DLG2: variants seen among roughly 807,000 people sequenced by gnomAD.
DLG2 encodes the protein disks large homolog 2.
In DLG2, 45 loss-of-function variants were observed where a neutral mutation model predicts 132.5. The ratio of observed to expected loss-of-function variants is 0.34; its 90% CI spans 0.27 to 0.44. The LOEUF is 0.44. Ranked by LOEUF, DLG2 falls within the 20% of genes least tolerant of loss-of-function variation. The probability of loss-of-function intolerance (pLI) is 1.00; values close to 1 mark genes in which losing one functional copy is unlikely to be tolerated. For synonymous variants in DLG2, 424 were observed against 419.6 expected (o/e 1.01, Z -0.13); for missense variants, 1,045 against 1,196.9 (o/e 0.87, Z 1.87).
chr11:85,259,798 A>AT (rs1400222990), intron 4 of DLG2, among the ~76,000 whole-genome samples: 4 of 151,684 alleles, frequency 2.6e-5, no homozygotes, highest in Non-Finnish European at 4.4e-5. Flanking sequence ...CCACCTCACT[A>AT]TTTTTTTCAG....
At chr11:85,521,717 T>C (rs937813523) in intron 3 of DLG2, among the ~76,000 whole-genome samples, 1 of 152,188 alleles carries the variant, frequency 6.6e-6, no homozygotes, top group Admixed American at 6.5e-5. Flanking sequence ...TGAGGTGGAC[T>C]CAGATGAAGA....
chr11:83,758,708 T>C (rs899324075), intron 18 of DLG2, among the ~76,000 whole-genome samples: 7 of 152,170 alleles, frequency 4.6e-5, no homozygotes, highest in African/African-American at 1.7e-4. Flanking sequence ...GCTTGACATA[T>C]AGTAAGGAGT....
chr11:83,778,067 A>C (rs2094659254), intron 18 of DLG2, among the ~76,000 whole-genome samples: 1 of 152,176 alleles, frequency 6.6e-6, no homozygotes, highest in South Asian at 2.1e-4. Flanking sequence ...ACAAATAGCT[A>C]TTCAAAGAGA....
intron 3 of DLG2, among the ~76,000 whole-genome samples, chr11:85,290,367 G>T (rs2078818711): frequency 6.6e-6 from 1 of 151,958 alleles, no homozygotes; most frequent in Non-Finnish European, 1.5e-5. Flanking sequence ...GGGGACATGG[G>T]GCCTGAATTT....
intron 3 of DLG2, among the ~76,000 whole-genome samples, chr11:85,388,454 C>T (rs1312868546): frequency 6.6e-6 from 1 of 152,112 alleles, no homozygotes; most frequent in Non-Finnish European, 1.5e-5. Flanking sequence ...TATCCAAAGG[C>T]TACCCTAGGA....
At chr11:85,532,846 C>T (rs1218933184) in intron 3 of DLG2, among the ~76,000 whole-genome samples, 1 of 152,076 alleles carries the variant, frequency 6.6e-6, no homozygotes, top group Admixed American at 6.5e-5. Context: ...GAAATCAAAG[C>T]TATTTTTTTT....
intron 21 of DLG2, among the ~76,000 whole-genome samples, chr11:83,510,830 GTTT>G (rs566973328): frequency 1.1e-5 from 1 of 88,776 alleles, no homozygotes; most frequent in African/African-American, 4.5e-5. Flanking sequence ...TGAACCATCC[GTTT>G]TTTTTTTTTT....
chr11:83,830,218 A>G (rs2054087143), intron 17 of DLG2, among the ~76,000 whole-genome samples: 1 of 152,226 alleles, frequency 6.6e-6, no homozygotes, highest in Non-Finnish European at 1.5e-5. Context: ...GATTGTTGTT[A>G]TATTCTGTGA....
chr11:84,552,558 A>G (rs1398612571), intron 6 of DLG2, among the ~76,000 whole-genome samples: 2 of 152,194 alleles, frequency 1.3e-5, no homozygotes, highest in Non-Finnish European at 2.9e-5. Flanking sequence ...GACTGCGGTC[A>G]GAACTCATAG....
At chr11:85,568,447 A>G (rs1301840273) in intron 3 of DLG2, among the ~76,000 whole-genome samples, 3 of 152,186 alleles carry the variant, frequency 2.0e-5, no homozygotes, top group Admixed American at 6.5e-5. Flanking sequence ...AATTAATTAG[A>G]CAGTATTCTC....
At chr11:84,561,934 T>C (rs1439108296) in intron 6 of DLG2, among the ~76,000 whole-genome samples, 1 of 152,158 alleles carries the variant, frequency 6.6e-6, no homozygotes, top group Non-Finnish European at 1.5e-5. Flanking sequence ...TTCACCTAGA[T>C]AATTTAGCCT....
intron 7 of DLG2, among the ~76,000 whole-genome samples, chr11:84,533,409 G>T (rs1314651216): frequency 1.3e-5 from 2 of 152,124 alleles, no homozygotes; most frequent in Non-Finnish European, 2.9e-5. Context: ...GCGGAGATTT[G>T]CACAATGAAT....
chr11:85,338,245 ATAG>A (rs2082259451), intron 3 of DLG2, among the ~76,000 whole-genome samples: 1 of 152,210 alleles, frequency 6.6e-6, no homozygotes, highest in East Asian at 1.9e-4. Flanking sequence ...AAGACAATAA[ATAG>A]TAGCAACCAA....
intron 6 of DLG2, among the ~76,000 whole-genome samples, chr11:84,581,696 C>T (rs888149054): frequency 2.0e-5 from 3 of 151,828 alleles, no homozygotes; most frequent in African/African-American, 7.3e-5. Context: ...ATCACAAGAT[C>T]AAGAGATCAA....
At chr11:85,569,143 T>C (rs1006050765) in intron 3 of DLG2, among the ~76,000 whole-genome samples, 1 of 152,192 alleles carries the variant, frequency 6.6e-6, no homozygotes, top group East Asian at 1.9e-4. Context: ...GCAATTCTCC[T>C]TCCTCAGCCT....
chr11:85,168,738 AT>A (rs1297527702), intron 4 of DLG2, among the ~76,000 whole-genome samples: 1 of 152,162 alleles, frequency 6.6e-6, no homozygotes, highest in Non-Finnish European at 1.5e-5. Flanking sequence ...AGGACAAAAA[AT>A]ATCATGTACC....
At position 84,502,412 on chromosome 11, in the gene DLG2, T is replaced by TTCTTTCTC. The variant is rs1567807647; in HGVS notation, c.519+32157_519+32158insGAGAAAGA. Among the ~76,000 whole-genome samples the TTCTTTCTC allele has an allele frequency of 2.6e-4, 30 of 115,610 alleles. 2 individuals carry two copies. Among genetic ancestry groups the TTCTTTCTC allele is most frequent in the East Asian group, 1.6e-3 (7 of 4,366 alleles). The allele number at this position is 115,610 out of a possible 152,430, so 75.8% of individuals were successfully genotyped here. On this transcript the variant is annotated intron_variant, in intron 7 of 27. Coordinates refer to ENST00000376104, the MANE Select transcript of DLG2 (RefSeq NM_001142699.3). The stretch of plus-strand genomic sequence containing the variant: ...TTTCTTTCTTTCTTTCTTTCTTTCT[T>TTCTTTCTC]TCTATACAGAGTCTCATGCTGTCAC...
intron 6 of DLG2, among the ~76,000 whole-genome samples, chr11:84,809,394 C>G (rs1322815779): frequency 6.6e-6 from 1 of 151,404 alleles, no homozygotes; most frequent in Non-Finnish European, 1.5e-5. Flanking sequence ...TCTTTCCCAC[C>G]ACTCTTATTT....
In DLG2 at chr11:85,280,053, G is replaced by A. The variant is rs1318369575; in HGVS notation, c.186+5167C>T. On this transcript the variant is annotated intron_variant, in intron 4 of 27. Coordinates refer to ENST00000376104, the MANE Select transcript of DLG2 (RefSeq NM_001142699.3). ...GAGAAGTGACAAAACAAGGGGAAAA[G>A]TCCTATTTATACTATGCATTTTAAT... is the stretch of plus-strand genomic sequence containing the variant. 3.3e-5 allele frequency among the ~76,000 whole-genome samples: 5 copies of A among 152,188 alleles called. No homozygotes were observed. In the South Asian group the frequency reaches 1.0e-3, roughly 32 times the overall value.
Sources: allele counts gnomAD v4.1 joint callset (sites outside exome capture counted in the v4.1 genomes callset), GRCh38; gene constraint gnomAD v4.1.1; transcripts MANE v1.5; gene names NCBI Gene and HGNC (gene_info 2026-07-23, HGNC 2026-07-21).